The following FIRRM variants were observed in gnomAD, a reference collection of about 807,000 sequenced individuals.
The protein encoded by FIRRM is FIGNL1-interacting regulator of recombination and mitosis.
At chr1:169,830,361 T>C in the FIRRM span, 13 of 1,604,488 alleles carry the variant, frequency 8.1e-6, no homozygotes, top group South Asian at 1.4e-4. Flanking sequence ...ATTTGCTTTT[T>C]TGTTCTTTGG....
At chr1:169,798,036 GA>G in the FIRRM span, among the ~76,000 whole-genome samples, 29 of 144,996 alleles carry the variant, frequency 2.0e-4, no homozygotes, top group Non-Finnish European at 1.1e-4. Flanking sequence ...TAAGTAATAT[GA>G]AAAAAGATAG....
the FIRRM span, among the ~76,000 whole-genome samples, chr1:169,788,243 C>T: frequency 6.6e-6 from 1 of 152,150 alleles, no homozygotes; most frequent in Non-Finnish European, 1.5e-5. Flanking sequence ...TTTTCTTCCA[C>T]CTCTGCCACC....
At chr1:169,846,678 T>C in the FIRRM span, among the ~76,000 whole-genome samples, 1 of 152,200 alleles carries the variant, frequency 6.6e-6, no homozygotes, top group African/African-American at 2.4e-5. Flanking sequence ...AGCTCTCAGC[T>C]TTCACAGAAT....
chr1:169,803,329 T>G, the FIRRM span: 1 of 1,611,410 alleles, frequency 6.2e-7, no homozygotes, highest in Non-Finnish European at 8.5e-7. Flanking sequence ...GGTCTAATTA[T>G]ACTTTGAATG....
the FIRRM span, chr1:169,802,592 C>T: frequency 2.8e-6 from 4 of 1,429,610 alleles, no homozygotes; most frequent in East Asian, 2.3e-5. Context: ...TTCTCTTATT[C>T]CTGTTTATTA....
At chr1:169,829,987 G>T in the FIRRM span, among the ~76,000 whole-genome samples, 2 of 152,248 alleles carry the variant, frequency 1.3e-5, 1 homozygote, top group African/African-American at 4.8e-5. Context: ...GCTACTTAGA[G>T]AATCTTTGTG....
At chr1:169,843,792 T>C in the FIRRM span, 3 of 1,458,262 alleles carry the variant, frequency 2.1e-6, no homozygotes, top group African/African-American at 4.2e-5. Flanking sequence ...ACCAGATTGA[T>C]ACTTTGTTTG....
chr1:169,836,886 T>C, the FIRRM span: 1 of 1,502,270 alleles, frequency 6.7e-7, no homozygotes, highest in Non-Finnish European at 9.1e-7. Flanking sequence ...TTCCTCTGAC[T>C]TGTCTCATGT....
At chr1:169,794,331 A>G in the FIRRM span, among the ~76,000 whole-genome samples, 1 of 152,188 alleles carries the variant, frequency 6.6e-6, no homozygotes, top group Non-Finnish European at 1.5e-5. Context: ...CGTCCCTTTA[A>G]AAACATGCAT....
the FIRRM span, among the ~76,000 whole-genome samples, chr1:169,841,710 A>C: frequency 6.6e-6 from 1 of 152,242 alleles, no homozygotes; most frequent in Admixed American, 6.5e-5. Flanking sequence ...AACAGGAAAA[A>C]TAAAAATCTA....
At chr1:169,847,610 A>T in the FIRRM span, 1 of 1,042,652 alleles carries the variant, frequency 9.6e-7, no homozygotes, top group Non-Finnish European at 1.4e-6. Flanking sequence ...CCACATTTCC[A>T]TCCAAATCTT....
chr1:169,822,560 C>T, the FIRRM span, among the ~76,000 whole-genome samples: 2 of 152,108 alleles, frequency 1.3e-5, no homozygotes, highest in African/African-American at 4.8e-5. Flanking sequence ...AGTGCAATGG[C>T]GTGATCTTGG....
the FIRRM span, chr1:169,830,329 G>A: frequency 1.2e-6 from 2 of 1,613,550 alleles, no homozygotes; most frequent in Non-Finnish European, 1.7e-6. Flanking sequence ...GATGCATGGT[G>A]CTTCCTTGCT....
chr1:169,811,794 T>C, the FIRRM span, among the ~76,000 whole-genome samples: 1 of 140,608 alleles, frequency 7.1e-6, no homozygotes, highest in Admixed American at 7.4e-5. Flanking sequence ...ATAGACAGAT[T>C]ATCTAAATAG....
the FIRRM span, among the ~76,000 whole-genome samples, chr1:169,812,100 G>A: frequency 3.7e-4 from 57 of 152,286 alleles, 1 homozygote; most frequent in African/African-American, 1.3e-3. Context: ...TTATTTACCT[G>A]CTTTTTGAAA....
At chr1:169,821,330 C>T in the FIRRM span, among the ~76,000 whole-genome samples, 1 of 151,866 alleles carries the variant, frequency 6.6e-6, no homozygotes, top group African/African-American at 2.4e-5. Flanking sequence ...AGACCTTTTT[C>T]TTTTGACCAT....
the FIRRM span, among the ~76,000 whole-genome samples, chr1:169,800,476 A>T: frequency 6.6e-6 from 1 of 152,240 alleles, no homozygotes; most frequent in African/African-American, 2.4e-5. Flanking sequence ...TAAGATTTTG[A>T]TGAGAACAGT....
At chr1:169,830,467 G>A in the FIRRM span, 5 of 969,206 alleles carry the variant, frequency 5.2e-6, no homozygotes, top group Non-Finnish European at 7.7e-6. Context: ...TTCCCAAAAC[G>A]CTTTGATTTC....
chr1:169,806,142 A>G, the FIRRM span: 2 of 990,694 alleles, frequency 2.0e-6, no homozygotes, highest in Admixed American at 2.3e-5. Context: ...ATATTCCCCA[A>G]TCTTAATTAT....
Sources: gnomAD v4.1 joint callset for allele counts (sites outside exome capture counted in the v4.1 genomes callset) on GRCh38, gnomAD v4.1.1 for gene constraint, MANE v1.5 for transcripts, NCBI Gene and HGNC (gene_info 2026-07-23, HGNC 2026-07-21) for gene names.